Variants in KLF8 observed in about 807,000 individuals in gnomAD.
The protein encoded by KLF8 is Krueppel-like factor 8.
Under a neutral mutation model 18.2 loss-of-function variants are expected in KLF8, and 10 were observed. That is an observed-to-expected ratio of 0.55 (90% CI 0.34 to 0.93). The LOEUF is 0.93. Among genes scored for constraint, KLF8 ranks in the 40% least tolerant of loss-of-function variants. The pLI is 0.02. For synonymous variants in KLF8, 109 were observed against 97.3 expected, an observed-to-expected ratio of 1.12 and a Z score of -0.71; for missense variants, 264 against 277.9, an observed-to-expected ratio of 0.95 and a Z score of 0.36.
At chrX:56,079,141 C>T in the KLF8 span, among the ~76,000 whole-genome samples, 3 of 111,002 alleles carry the variant, frequency 2.7e-5, no homozygotes, top group African/African-American at 6.6e-5. Flanking sequence ...TCTCTATTTC[C>T]TTCAGTTCTG....
the KLF8 span, among the ~76,000 whole-genome samples, chrX:55,982,340 A>G: frequency 8.9e-6 from 1 of 111,767 alleles, no homozygotes; most frequent in Non-Finnish European, 1.9e-5. Context: ...GTCAGAGGCC[A>G]TAGAGCTTTC....
chrX:55,959,514 G>T, the KLF8 span, among the ~76,000 whole-genome samples: 1 of 111,705 alleles, frequency 9.0e-6, no homozygotes, highest in Non-Finnish European at 1.9e-5. Flanking sequence ...ACAGTAAAAT[G>T]GTCCAAGAGT....
At chrX:55,910,371 G>A in the KLF8 span, among the ~76,000 whole-genome samples, 4 of 111,363 alleles carry the variant, frequency 3.6e-5, no homozygotes, top group East Asian at 8.4e-4. Flanking sequence ...GAACATATAC[G>A]TTGAGTGGGG....
intron 1 of KLF8, among the ~76,000 whole-genome samples, chrX:56,247,069 T>A (rs1246380357): frequency 8.9e-6 from 1 of 111,736 alleles, no homozygotes; most frequent in Non-Finnish European, 1.9e-5. Flanking sequence ...GCAAAATACA[T>A]CCTTAGACAA....
the KLF8 span, among the ~76,000 whole-genome samples, chrX:56,053,996 T>C: frequency 9.0e-6 from 1 of 111,506 alleles, no homozygotes; most frequent in African/African-American, 3.2e-5. Context: ...TATCTCTATC[T>C]TCTTTTCAGT....
At chrX:56,168,654 G>A in the KLF8 span, among the ~76,000 whole-genome samples, 7 of 55,590 alleles carry the variant, frequency 1.3e-4, no homozygotes, top group Non-Finnish European at 2.4e-4. Context: ...CCCCCTCCCC[G>A]ACCCCATGAC....
chrX:56,134,550 A>C, the KLF8 span, among the ~76,000 whole-genome samples: 10 of 111,946 alleles, frequency 8.9e-5, no homozygotes, highest in African/African-American at 3.2e-4. Flanking sequence ...TGAAACTATA[A>C]ACATTCTAGA....
chrX:56,227,874 A>AACACACACACACAC (rs72391707), upstream of KLF8, among the ~76,000 whole-genome samples: 13 of 85,525 alleles, frequency 1.5e-4, no homozygotes, highest in African/African-American at 5.3e-4. Context: ...CCCTAGCCCC[A>AACACACACACACAC]ACACACACAC....
chrX:56,116,524 A>G, the KLF8 span, among the ~76,000 whole-genome samples: 2 of 109,129 alleles, frequency 1.8e-5, no homozygotes, highest in Non-Finnish European at 3.8e-5. Flanking sequence ...AGGAATGGTC[A>G]TGAGAGAAGA....
chrX:56,200,091 G>T, the KLF8 span, among the ~76,000 whole-genome samples: 1 of 110,996 alleles, frequency 9.0e-6, no homozygotes, highest in Non-Finnish European at 1.9e-5. Context: ...GGGAGGTCTG[G>T]GGCTGGGGGA....
the KLF8 span, among the ~76,000 whole-genome samples, chrX:56,154,044 C>T: frequency 8.1e-5 from 9 of 111,119 alleles, no homozygotes; most frequent in African/African-American, 2.0e-4. Context: ...CCCATCAAGC[C>T]ACCAATGACT....
chrX:56,176,630 C>T, the KLF8 span, among the ~76,000 whole-genome samples: 1 of 110,627 alleles, frequency 9.0e-6, no homozygotes, highest in Non-Finnish European at 1.9e-5. Flanking sequence ...TCTGTATTTC[C>T]TGAATTTGAA....
the KLF8 span, among the ~76,000 whole-genome samples, chrX:55,991,138 G>A: frequency 8.9e-6 from 1 of 112,242 alleles, no homozygotes; most frequent in East Asian, 2.8e-4. Flanking sequence ...TCCTTGAGCT[G>A]CCATGGGCTC....
intron 2 of KLF8, among the ~76,000 whole-genome samples, chrX:56,264,329 T>C (rs907562263): frequency 9.0e-6 from 1 of 111,200 alleles, no homozygotes; most frequent in South Asian, 3.7e-4. Context: ...TATTTATTAG[T>C]TTTTTAAACT....
the KLF8 span, among the ~76,000 whole-genome samples, chrX:56,036,684 A>G: frequency 1.8e-5 from 2 of 111,896 alleles, no homozygotes; most frequent in Non-Finnish European, 3.8e-5. Context: ...TTCCATACAT[A>G]TTTTAGAATT....
At chrX:56,029,607 C>T in the KLF8 span, among the ~76,000 whole-genome samples, 1 of 112,153 alleles carries the variant, frequency 8.9e-6, no homozygotes, top group East Asian at 2.8e-4. Flanking sequence ...AGCTCGATCC[C>T]CTTCAGTCTA....
At chrX:56,237,599 A>G (rs2066493676) in intron 1 of KLF8, among the ~76,000 whole-genome samples, 1 of 112,024 alleles carries the variant, frequency 8.9e-6, no homozygotes, top group East Asian at 2.8e-4. Flanking sequence ...TTTTTACTAT[A>G]TGCATGAGCC....
chrX:56,098,078 T>C, the KLF8 span, among the ~76,000 whole-genome samples: 2 of 111,455 alleles, frequency 1.8e-5, no homozygotes, highest in African/African-American at 6.5e-5. Context: ...TTTCTTTCTA[T>C]ATTAGTTACC....
chrX:56,031,180 C>A, the KLF8 span, among the ~76,000 whole-genome samples: 2 of 111,232 alleles, frequency 1.8e-5, no homozygotes, highest in East Asian at 2.8e-4. Flanking sequence ...TGTGCCTGAC[C>A]CATGTTTTCT....
Sources: allele counts gnomAD v4.1 joint callset (sites outside exome capture counted in the v4.1 genomes callset), GRCh38; gene constraint gnomAD v4.1.1; transcripts MANE v1.5; gene names NCBI Gene and HGNC (gene_info 2026-07-23, HGNC 2026-07-21).